Variants in TMEM117 observed in about 807,000 individuals in gnomAD.
TMEM117 encodes transmembrane protein 117.
TMEM117 carries 27 observed loss-of-function variants against 52.4 expected under a neutral mutation model. The observed-to-expected ratio is 0.51, with a 90% confidence interval of 0.38 to 0.71. TMEM117 has a LOEUF of 0.71. Among genes scored for constraint, TMEM117 ranks in the 30% least tolerant of loss-of-function variants. The pLI is 0.00. For synonymous variants in TMEM117, 215 were observed against 206.3 expected (o/e 1.04, Z -0.36); for missense variants, 556 against 630.5 (o/e 0.88, Z 1.26).
the TMEM117 span, among the ~76,000 whole-genome samples, chr12:44,398,172 C>G: frequency 7.3e-5 from 11 of 150,782 alleles, no homozygotes; most frequent in East Asian, 1.6e-3. Flanking sequence ...ACAAATAAAT[C>G]TGGACATTGA....
At chr12:43,982,824 G>A (rs1945782322) in intron 3 of TMEM117, among the ~76,000 whole-genome samples, 1 of 152,170 alleles carries the variant, frequency 6.6e-6, no homozygotes, top group South Asian at 2.1e-4. Context: ...TAGAAGCTCA[G>A]CTATCAAAGA....
intron 3 of TMEM117, among the ~76,000 whole-genome samples, chr12:43,988,221 T>G (rs1207929905): frequency 6.6e-6 from 1 of 152,056 alleles, no homozygotes; most frequent in African/African-American, 2.4e-5. Flanking sequence ...ATTGGGCACG[T>G]TGGATTCACC....
chr12:44,370,582 A>G (rs1951850473), intron 6 of TMEM117, among the ~76,000 whole-genome samples: 1 of 149,580 alleles, frequency 6.7e-6, no homozygotes, highest in African/African-American at 2.5e-5. Context: ...CAGTAGTGCA[A>G]TCTCGGCTGA....
At chr12:44,273,193 G>T (rs1024386634) in intron 5 of TMEM117, among the ~76,000 whole-genome samples, 2 of 151,890 alleles carry the variant, frequency 1.3e-5, no homozygotes, top group Non-Finnish European at 2.9e-5. Context: ...GACACAGGAA[G>T]GGGAACATCA....
Position 43,865,711 on chromosome 12 carries a change from A to G in TMEM117, c.277+20783A>G, listed in dbSNP as rs1180614339. Among the ~76,000 whole-genome samples the G allele has an allele frequency of 3.4e-5, 5 of 148,164 alleles. 1 individual carries two copies. Among genetic ancestry groups the G allele is most frequent in the African/African-American group, 1.3e-4 (5 of 38,638 alleles). On this transcript the variant is annotated intron_variant, in intron 2 of 7. Transcript: ENST00000266534. ...GACTCCGTCCCAAAAAAAGAAAAAA[A>G]GAAAAAAAAAAAACTAATATAGACT...
chr12:44,140,339 G>A (rs1402704502), intron 3 of TMEM117, among the ~76,000 whole-genome samples: 1 of 146,820 alleles, frequency 6.8e-6, no homozygotes, highest in African/African-American at 2.5e-5. Context: ...TTTTATTGCT[G>A]TTTCTAGGAT....
chr12:44,180,657 C>T (rs886595454), intron 4 of TMEM117, among the ~76,000 whole-genome samples: 5 of 151,860 alleles, frequency 3.3e-5, no homozygotes, highest in Non-Finnish European at 4.4e-5. Context: ...TCCAATTTCA[C>T]CCATGTCCCT....
chr12:43,989,855 C>T (rs953943868), intron 3 of TMEM117, among the ~76,000 whole-genome samples: 1 of 152,086 alleles, frequency 6.6e-6, no homozygotes, highest in Admixed American at 6.6e-5. Flanking sequence ...ATCTTAAAAT[C>T]TGTCTTATCT....
At chr12:43,959,608 A>AT (rs1565770153) in intron 3 of TMEM117, among the ~76,000 whole-genome samples, 2 of 152,152 alleles carry the variant, frequency 1.3e-5, no homozygotes, top group East Asian at 3.9e-4. Context: ...AAGAACAGTG[A>AT]TTTTCACTTC....
chr12:43,805,474 AT>A, the TMEM117 span: 1 of 450,390 alleles, frequency 2.2e-6, no homozygotes, highest in South Asian at 1.6e-5. Context: ...TCGTTAAGTG[AT>A]CGCGAGTAAC....
At chr12:44,132,808 G>A (rs1948435541) in intron 3 of TMEM117, among the ~76,000 whole-genome samples, 1 of 152,100 alleles carries the variant, frequency 6.6e-6, no homozygotes, top group South Asian at 2.1e-4. Flanking sequence ...CTAGGGTGCT[G>A]TTTACATGTG....
intron 3 of TMEM117, among the ~76,000 whole-genome samples, chr12:43,988,549 A>G (rs1355955387): frequency 1.3e-5 from 2 of 152,112 alleles, no homozygotes; most frequent in African/African-American, 4.8e-5. Context: ...TATGGACTGT[A>G]ATGCATTGGA....
chr12:44,374,402 A>C (rs903447297), intron 6 of TMEM117, among the ~76,000 whole-genome samples: 3 of 152,136 alleles, frequency 2.0e-5, no homozygotes, highest in African/African-American at 7.2e-5. Flanking sequence ...TTCTTTTAAA[A>C]AATTCTTACA....
At chr12:44,223,044 T>G (rs982593911) in intron 5 of TMEM117, among the ~76,000 whole-genome samples, 7 of 151,702 alleles carry the variant, frequency 4.6e-5, no homozygotes, top group South Asian at 2.1e-4. Context: ...AGTGCTAGTC[T>G]TCTTCTTTTA....
At chr12:44,129,770 A>G (rs956180813) in intron 3 of TMEM117, among the ~76,000 whole-genome samples, 1 of 152,222 alleles carries the variant, frequency 6.6e-6, no homozygotes. Flanking sequence ...ATGCAGAAAG[A>G]TATTTAAACT....
intron 4 of TMEM117, among the ~76,000 whole-genome samples, chr12:44,190,679 AT>A (rs1454618181): frequency 2.8e-4 from 43 of 152,098 alleles, no homozygotes; most frequent in Admixed American, 2.3e-3. Flanking sequence ...ATAAGGCTTC[AT>A]GAAACCTGCC....
At chr12:44,155,827 C>G (rs138504174) in intron 4 of TMEM117, among the ~76,000 whole-genome samples, 1 of 152,102 alleles carries the variant, frequency 6.6e-6, no homozygotes, top group Non-Finnish European at 1.5e-5. Flanking sequence ...CTGCTTTGTG[C>G]TTTTTAAACA....
intron 6 of TMEM117, among the ~76,000 whole-genome samples, chr12:44,315,430 A>G (rs1951041729): frequency 6.6e-6 from 1 of 152,160 alleles, no homozygotes; most frequent in African/African-American, 2.4e-5. Context: ...GCTTCATCCA[A>G]GAGATTTTGC....
At chr12:44,162,760 C>A (rs1169241087) in intron 4 of TMEM117, among the ~76,000 whole-genome samples, 1 of 152,138 alleles carries the variant, frequency 6.6e-6, no homozygotes, top group African/African-American at 2.4e-5. Flanking sequence ...GTCTTGCCTC[C>A]ATTTCATAAA....
Sources: gnomAD v4.1 joint callset for allele counts (sites outside exome capture counted in the v4.1 genomes callset) on GRCh38, gnomAD v4.1.1 for gene constraint, MANE v1.5 for transcripts, NCBI Gene and HGNC (gene_info 2026-07-23, HGNC 2026-07-21) for gene names.